TMEM132B: variants seen among roughly 807,000 people sequenced by gnomAD.
The protein encoded by TMEM132B is transmembrane protein 132B.
A neutral mutation model predicts 90.8 loss-of-function variants in TMEM132B; 18 were observed. The ratio of observed to expected loss-of-function variants is 0.20; its 90% CI spans 0.14 to 0.29. The LOEUF (loss-of-function observed/expected upper bound fraction) is 0.29, where lower values mean the gene tolerates loss of function less well. Ranked by LOEUF, TMEM132B falls within the 10% of genes least tolerant of loss-of-function variation. TMEM132B has a pLI of 1.00. For missense variants in TMEM132B, 1,096 were observed against 1,326.8 expected, an observed-to-expected ratio of 0.83 and a Z score of 2.70; for synonymous variants, 504 against 523.3, an observed-to-expected ratio of 0.96 and a Z score of 0.50.
At chr12:125,206,921 C>G (rs773588332) in intron 1 of TMEM132B, among the ~76,000 whole-genome samples, 1 of 152,192 alleles carries the variant, frequency 6.6e-6, no homozygotes, top group African/African-American at 2.4e-5. Context: ...GCAATTGGCT[C>G]GTTCCTCCCA....
intron 3 of TMEM132B, among the ~76,000 whole-genome samples, chr12:125,474,284 C>CCCCTT (rs559266159): frequency 0.054 from 7,400 of 135,888 alleles, 539 homozygotes; most frequent in African/African-American, 0.16. Flanking sequence ...CCCCTCCCCT[C>CCCCTT]CCCTTCCCTT....
intron 4 of TMEM132B, among the ~76,000 whole-genome samples, chr12:125,583,115 A>G (rs1055983570): frequency 6.6e-6 from 1 of 152,202 alleles, no homozygotes; most frequent in African/African-American, 2.4e-5. Context: ...TGGGGAGGGC[A>G]TTGTGGTTGT....
intron 1 of TMEM132B, among the ~76,000 whole-genome samples, chr12:125,295,550 C>CAGAGAGAGAG (rs1307637713): frequency 6.5e-5 from 9 of 137,532 alleles, no homozygotes; most frequent in Admixed American, 1.4e-4. Flanking sequence ...GAGACAGAGA[C>CAGAGAGAGAG]AGAGACAGAG....
intron 4 of TMEM132B, among the ~76,000 whole-genome samples, chr12:125,554,770 G>A (rs1416203004): frequency 6.6e-6 from 1 of 152,130 alleles, no homozygotes; most frequent in Non-Finnish European, 1.5e-5. Flanking sequence ...TGAATGGTGG[G>A]AGTGTCAACA....
intron 5 of TMEM132B, among the ~76,000 whole-genome samples, chr12:125,609,784 T>A (rs1217431723): frequency 2.6e-5 from 3 of 115,146 alleles, no homozygotes; most frequent in African/African-American, 6.9e-5. Context: ...GCCACTGCAC[T>A]CCAGCCTGGG....
intron 3 of TMEM132B, among the ~76,000 whole-genome samples, chr12:125,441,065 T>C (rs1050277343): frequency 3.9e-5 from 6 of 152,220 alleles, no homozygotes; most frequent in African/African-American, 1.4e-4. Flanking sequence ...CTTGAACAAG[T>C]TATTTAAAAT....
intron 3 of TMEM132B, among the ~76,000 whole-genome samples, chr12:125,428,832 G>A (rs1265263507): frequency 6.6e-6 from 1 of 152,176 alleles, no homozygotes; most frequent in Admixed American, 6.5e-5. Context: ...ACAGGCACAC[G>A]TGGTCCCATG....
intron 5 of TMEM132B, among the ~76,000 whole-genome samples, chr12:125,610,475 C>T (rs945867819): frequency 6.6e-6 from 1 of 152,018 alleles, no homozygotes; most frequent in Admixed American, 6.6e-5. Flanking sequence ...TATTTTGTCA[C>T]GTGCTTTTTC....
chr12:125,326,560 C>CT, intron 1 of TMEM132B: 1 of 1,546,588 alleles, frequency 6.5e-7, no homozygotes, highest in Non-Finnish European at 8.8e-7. Context: ...GAATTAGGAA[C>CT]TGGGGGGTGT....
intron 1 of TMEM132B, among the ~76,000 whole-genome samples, chr12:125,229,814 G>A (rs1024439190): frequency 6.6e-6 from 1 of 152,232 alleles, no homozygotes; most frequent in Non-Finnish European, 1.5e-5. Flanking sequence ...TCCCGGCCTT[G>A]CACGCTCCCA....
intron 4 of TMEM132B, among the ~76,000 whole-genome samples, chr12:125,556,581 G>A (rs1040869912): frequency 1.1e-4 from 17 of 152,270 alleles, no homozygotes; most frequent in African/African-American, 2.2e-4. Context: ...AACCAGTTCC[G>A]TATGAATAAG....
At chr12:125,542,223 G>A (rs1029881591) in intron 4 of TMEM132B, among the ~76,000 whole-genome samples, 26 of 152,216 alleles carry the variant, frequency 1.7e-4, no homozygotes, top group African/African-American at 5.8e-4. Context: ...TTGCGTCCAT[G>A]TTGCTGCTCA....
intron 3 of TMEM132B, among the ~76,000 whole-genome samples, chr12:125,515,760 A>G (rs906563223): frequency 2.0e-5 from 3 of 151,676 alleles, no homozygotes; most frequent in African/African-American, 7.3e-5. Flanking sequence ...ATATTCACAC[A>G]TTCTCACACA....
At position 125,644,276 on chromosome 12, in the gene TMEM132B, C is replaced by T. The variant is rs1175326208; in HGVS notation, c.1638C>T (p.Asn546=). 2.5e-6 allele frequency: 4 copies of T among 1,614,090 alleles called. No homozygotes were observed. The highest frequency in any genetic ancestry group is 3.4e-6 in the Non-Finnish European group (4 of 1,180,024). Residue 546 remains asparagine (N), a synonymous_variant, in exon 6 of 9, where the codon AAC becomes AAT. Transcript: ENST00000682704. ...GCTGGAGGATCCCGGTTGCTGCCAACAGAAGGTGAGGAATCAAAGAGAAGG... is the reference window on the plus strand; with the variant it reads ...GCTGGAGGATCCCGGTTGCTGCCAATAGAAGGTGAGGAATCAAAGAGAAGG... ...IKGWRIPVAA[N]RRPTRESDDE...
rs115472529 is a variant in TMEM132B at position 125,650,467 on chromosome 12, G to A, written c.1644-216G>A. 7.4e-3 allele frequency among the ~76,000 whole-genome samples: 1,128 copies of A among 152,240 alleles called. 16 individuals carry two copies. The highest frequency in any genetic ancestry group is 0.026 in the African/African-American group (1,072 of 41,538). On this transcript the variant is annotated intron_variant, in intron 6 of 8. Coordinates refer to ENST00000682704, the MANE Select transcript of TMEM132B (RefSeq NM_001366854.1). The stretch of plus-strand genomic sequence containing the variant: ...GGTCAGGAAGGCAGGAGCTGCCCTT[G>A]CCATTCTTGTTGCAAGCAGAAAGCA...
chr12:125,192,292 C>T lies in TMEM132B; in HGVS notation c.67+5426C>T, dbSNP rs545222932. Among the ~76,000 whole-genome samples, 7 of 152,232 alleles carry T rather than the reference C, an allele frequency of 4.6e-5. No individual in the cohort carries two copies. The South Asian group carries it at 1.5e-3, about 32-fold the overall frequency. ...TAAGTGATGGGGTGCAAGTGTGAAC[C>T]CTGGTGTGTCTGTCCCAGAGTTGGT... On this transcript the variant is annotated intron_variant, in intron 1 of 8. Transcript: ENST00000682704.
chr12:125,346,475 A>T (rs1555241561), intron 1 of TMEM132B, among the ~76,000 whole-genome samples: 1 of 152,244 alleles, frequency 6.6e-6, no homozygotes. Flanking sequence ...CATAAGGCAG[A>T]TGTTTCCTGC....
intron 5 of TMEM132B, among the ~76,000 whole-genome samples, chr12:125,633,650 A>G (rs1210215121): frequency 6.6e-6 from 1 of 152,194 alleles, no homozygotes; most frequent in Non-Finnish European, 1.5e-5. Flanking sequence ...CAAGCCCAGT[A>G]ATGCTGTGTT....
intron 3 of TMEM132B, among the ~76,000 whole-genome samples, chr12:125,478,443 C>T (rs1027504731): frequency 1.3e-5 from 2 of 152,180 alleles, no homozygotes; most frequent in Non-Finnish European, 2.9e-5. Context: ...AGCTGAAAAC[C>T]GTGGCATGAG....
Sources: gnomAD v4.1 joint callset for allele counts (sites outside exome capture counted in the v4.1 genomes callset) on GRCh38, gnomAD v4.1.1 for gene constraint, MANE v1.5 for transcripts, NCBI Gene and HGNC (gene_info 2026-07-23, HGNC 2026-07-21) for gene names.